JMJD1C: variants seen among roughly 807,000 people sequenced by gnomAD.
JMJD1C encodes the protein jumonji domain containing 1C, also known as jumonji domain-containing protein 1C.
JMJD1C carries 31 observed loss-of-function variants against 245.3 expected under a neutral mutation model. That is an observed-to-expected ratio of 0.13 (90% CI 0.09 to 0.17). JMJD1C has a LOEUF of 0.17. Ranked by LOEUF, JMJD1C falls within the 10% of genes least tolerant of loss-of-function variation. The probability of loss-of-function intolerance (pLI) is 1.00; values close to 1 mark genes in which losing one functional copy is unlikely to be tolerated. For missense variants in JMJD1C, 2,691 were observed against 3,000.2 expected, an observed-to-expected ratio of 0.90 and a Z score of 2.41; for synonymous variants, 1,057 against 1,017.4, an observed-to-expected ratio of 1.04 and a Z score of -0.74.
At chr10:63,465,111 C>T (rs949958865) in intron 1 of JMJD1C, 2 of 251,432 alleles carry the variant, frequency 8.0e-6, no homozygotes, top group Non-Finnish European at 1.5e-5. Context: ...GGAAGCTGGC[C>T]GCCTGTCGCC....
intron 1 of JMJD1C, among the ~76,000 whole-genome samples, chr10:63,494,425 GTCA>G (rs550544421): frequency 2.2e-4 from 33 of 152,072 alleles, no homozygotes; most frequent in African/African-American, 8.0e-4. Flanking sequence ...AGTTAAAAAT[GTCA>G]TCATATTGTG....
chr10:63,290,135 G>GA (rs1858468951), intron 2 of JMJD1C, among the ~76,000 whole-genome samples: 5 of 151,720 alleles, frequency 3.3e-5, no homozygotes, highest in South Asian at 4.2e-4. Flanking sequence ...TTTTATAACT[G>GA]AAAAAAACAA....
At chr10:63,392,908 ACG>A (rs1948191243) in intron 1 of JMJD1C, among the ~76,000 whole-genome samples, 1 of 148,154 alleles carries the variant, frequency 6.7e-6, no homozygotes, top group Non-Finnish European at 1.5e-5. Context: ...ACACACACAC[ACG>A]TGAGCAAAGG....
At chr10:63,209,026 C>T in intron 9 of JMJD1C, 37 bp downstream of exon 9, 1 of 1,502,022 alleles carries the variant, frequency 6.7e-7, no homozygotes, top group South Asian at 1.2e-5. Flanking sequence ...AAATTATGAA[C>T]AAGGTATTTA....
At chr10:63,472,382 G>A (rs947122245) in intron 1 of JMJD1C, among the ~76,000 whole-genome samples, 1 of 151,992 alleles carries the variant, frequency 6.6e-6, no homozygotes, top group Non-Finnish European at 1.5e-5. Flanking sequence ...GCCCAGGTTG[G>A]AGTGCAACGG....
chr10:63,427,104 C>G lies in JMJD1C; in HGVS notation c.168+38391G>C, dbSNP rs190910078. On this transcript the variant is annotated intron_variant, in intron 1 of 25. Coordinates refer to ENST00000399262, the MANE Select transcript of JMJD1C (RefSeq NM_032776.3). Reference sequence around the variant, plus strand: ...CACTTATAACAGCATTTGCTATACACAACTCTTTTAAGATATATTAAGACA... The same window carrying G: ...CACTTATAACAGCATTTGCTATACAGAACTCTTTTAAGATATATTAAGACA... Among the ~76,000 whole-genome samples the G allele has an allele frequency of 6.8e-4, 103 of 152,296 alleles. 1 individual carries two copies. The highest frequency in any genetic ancestry group is 2.4e-3 in the African/African-American group (98 of 41,586).
At chr10:63,324,506 T>A (rs900899911) in intron 2 of JMJD1C, among the ~76,000 whole-genome samples, 1 of 152,162 alleles carries the variant, frequency 6.6e-6, no homozygotes, top group Non-Finnish European at 1.5e-5. Flanking sequence ...CCTGTATTAT[T>A]CTATATTGAC....
chr10:63,201,804 C>A (rs755548662), intron 10 of JMJD1C, among the ~76,000 whole-genome samples: 1 of 151,966 alleles, frequency 6.6e-6, no homozygotes, highest in African/African-American at 2.4e-5. Flanking sequence ...GTGGCGCATA[C>A]CTGTAGTCCC....
At chr10:63,388,686 A>G (rs1202436382) in intron 1 of JMJD1C, among the ~76,000 whole-genome samples, 1 of 152,216 alleles carries the variant, frequency 6.6e-6, no homozygotes, top group Admixed American at 6.5e-5. Flanking sequence ...TAAGTAATAG[A>G]ATAACAGGAA....
intron 2 of JMJD1C, among the ~76,000 whole-genome samples, chr10:63,368,443 T>C (rs1368211109): frequency 6.6e-6 from 1 of 152,044 alleles, no homozygotes; most frequent in Non-Finnish European, 1.5e-5. Context: ...ACAAGGTAAG[T>C]AGCTTTGTTC....
chr10:63,450,985 A>G (rs574360952), intron 1 of JMJD1C, among the ~76,000 whole-genome samples: 2 of 152,302 alleles, frequency 1.3e-5, no homozygotes, highest in East Asian at 3.9e-4. Flanking sequence ...AAAAATCAAC[A>G]CAGATAAATC....
At chr10:63,201,955 A>G (rs1376229565) in intron 10 of JMJD1C, among the ~76,000 whole-genome samples, 4 of 151,938 alleles carry the variant, frequency 2.6e-5, no homozygotes, top group Non-Finnish European at 5.9e-5. Flanking sequence ...GGAAAGAAAA[A>G]AAAAAGCAAG....
At chr10:63,382,041 T>C (rs866399563) in intron 1 of JMJD1C, among the ~76,000 whole-genome samples, 1 of 152,062 alleles carries the variant, frequency 6.6e-6, no homozygotes, top group Admixed American at 6.6e-5. Flanking sequence ...TGAAACACCA[T>C]CTCTACCAAA....
intron 2 of JMJD1C, among the ~76,000 whole-genome samples, chr10:63,338,119 T>C (rs926200099): frequency 3.9e-5 from 6 of 152,170 alleles, no homozygotes; most frequent in African/African-American, 1.4e-4. Flanking sequence ...TATCTGGAGC[T>C]CTTTAGAGTA....
chr10:63,386,964 G>A (rs1947652821), intron 1 of JMJD1C, among the ~76,000 whole-genome samples: 2 of 152,134 alleles, frequency 1.3e-5, no homozygotes, highest in Admixed American at 1.3e-4. Flanking sequence ...GCCCAAAGTG[G>A]CCCATGTGGC....
At chr10:63,215,512 A>G (rs1252730584) in intron 6 of JMJD1C, 41 bp downstream of exon 6, 1 of 1,607,876 alleles carries the variant, frequency 6.2e-7, no homozygotes, top group Non-Finnish European at 8.5e-7. Flanking sequence ...TAGCCTAAGG[A>G]AAAATATTTT....
At chr10:63,499,711 G>C (rs921132710) in intron 1 of JMJD1C, among the ~76,000 whole-genome samples, 2 of 152,108 alleles carry the variant, frequency 1.3e-5, no homozygotes, top group Non-Finnish European at 2.9e-5. Context: ...ATTCAGAATT[G>C]AATCTCATTA....
intron 2 of JMJD1C, among the ~76,000 whole-genome samples, chr10:63,336,954 C>A (rs992728746): frequency 6.6e-6 from 1 of 152,026 alleles, no homozygotes; most frequent in Admixed American, 6.5e-5. Context: ...GATTCTCCTG[C>A]CTCAGCCTCC....
Position 63,461,512 on chromosome 10 carries a change from G to A in JMJD1C, c.168+3983C>T, listed in dbSNP as rs553919391. Among the ~76,000 whole-genome samples, 31 of 152,204 alleles carry A rather than the reference G, an allele frequency of 2.0e-4. No homozygotes were observed. In the South Asian group the frequency reaches 5.4e-3, roughly 26 times the overall value. On this transcript the variant is annotated intron_variant, in intron 1 of 25. Coordinates refer to ENST00000399262, the MANE Select transcript of JMJD1C (RefSeq NM_032776.3). ...ACAAAAAGGGGTTTTATTTATATGCGAAATCATAAATCACTTTAAATTTCC... is the reference window on the plus strand; with the variant it reads ...ACAAAAAGGGGTTTTATTTATATGCAAAATCATAAATCACTTTAAATTTCC...
Sources: allele counts gnomAD v4.1 joint callset (sites outside exome capture counted in the v4.1 genomes callset), GRCh38; gene constraint gnomAD v4.1.1; transcripts MANE v1.5; gene names NCBI Gene and HGNC (gene_info 2026-07-23, HGNC 2026-07-21).